Variants in DHX58 observed in about 807,000 individuals in gnomAD.
DHX58 encodes the protein DExH-box helicase 58, also known as ATP-dependent RNA helicase DHX58.
In DHX58, 51 loss-of-function variants were observed where a neutral mutation model predicts 65.0. That is an observed-to-expected ratio of 0.78 (90% CI 0.63 to 0.99). The LOEUF is 0.99. Ranked by LOEUF, DHX58 falls within the 50% of genes least tolerant of loss-of-function variation. DHX58 has a pLI of 0.00. For synonymous variants in DHX58, 350 were observed against 365.0 expected, an observed-to-expected ratio of 0.96 and a Z score of 0.47; for missense variants, 773 against 891.8, an observed-to-expected ratio of 0.87 and a Z score of 1.70.
At chr17:42,104,741 C>T (rs781789517) in intron 11 of DHX58, 25 bp downstream of exon 11, 3 of 1,611,674 alleles carry the variant, frequency 1.9e-6, no homozygotes, top group Non-Finnish European at 2.5e-6. Context: ...ATCCCTCCCA[C>T]AGGGCATGCA....
rs1555663537 is a variant in DHX58, at chr17:42,109,271, T to G, written c.677A>C (p.Gln226Pro). 1.2e-6 allele frequency: 2 copies of G among 1,609,544 alleles called. No individual in the cohort carries two copies. The highest frequency in any genetic ancestry group is 1.7e-5 in the Admixed American group (1 of 59,544). ...CGCCGTGTCCCTGCCCCCGCGTACC[T>G]GGCTGCGCCTGTGGCAGAGGTTGTA... The part of the protein sequence containing the change: ...KQYNLCHRRS[Q>P]DPFGDLLKKL... The change falls in exon 6 of 14, where the codon CAG (glutamine) becomes CCG (proline). Residue 226 changes from glutamine (Q) to proline (P), a missense_variant and splice_region_variant. Gln to Pro is a moderately conservative substitution (Grantham distance 76). Transcript: ENST00000251642.
chr17:42,104,748 T>C lies in DHX58; in HGVS notation c.1563+18A>G, dbSNP rs1406181742. On this transcript the variant is annotated intron_variant, in intron 11 of 13. Transcript: ENST00000251642. Reference sequence around the variant, plus strand: ...TCCTCCCCATCCCTCCCACAGGGCATGCAGGCTGCCTGCAGACCTTGGCCT... The same window carrying C: ...TCCTCCCCATCCCTCCCACAGGGCACGCAGGCTGCCTGCAGACCTTGGCCT... 1.2e-6 allele frequency: 2 copies of C among 1,612,950 alleles called. No individual in the cohort carries two copies. The highest frequency in any genetic ancestry group is 1.7e-6 in the Non-Finnish European group (2 of 1,179,654).
At chr17:42,102,034 C>A in intron 13 of DHX58, 88 bp from the exon 14 acceptor site, 1 of 1,472,430 alleles carries the variant, frequency 6.8e-7, no homozygotes, top group Non-Finnish European at 9.2e-7. Context: ...GAATACAGGG[C>A]CTTTTCCTCC....
chr17:42,106,867 C>G (rs139857223), intron 8 of DHX58, among the ~76,000 whole-genome samples: 108 of 152,168 alleles, frequency 7.1e-4, no homozygotes, highest in Admixed American at 5.7e-3. Flanking sequence ...CAGCCTCACA[C>G]CGGGGTCATA....
rs145704653 is a variant in DHX58 at position 42,102,578 on chromosome 17, C to T, written c.1755-266G>A. ...ATGGGTCTCTCTGCCTCCATTTTTA[C>T]TCCCAATCCCAAGCCATCCTTCCAC... On this transcript the variant is annotated intron_variant, in intron 12 of 13. Coordinates refer to ENST00000251642, the MANE Select transcript of DHX58 (RefSeq NM_024119.3). The T allele has an allele frequency of 9.1e-4, 340 of 375,064 alleles. 5 individuals carry two copies. In the East Asian group the frequency reaches 0.014, roughly 16 times the overall value. The allele number at this position is 375,064 out of a possible 1,614,324, so 23.2% of individuals were successfully genotyped here.
chr17:42,110,186 CAAAAAA>C (rs11318535), intron 5 of DHX58, among the ~76,000 whole-genome samples: 1 of 110,366 alleles, frequency 9.1e-6, no homozygotes, highest in Non-Finnish European at 1.9e-5. Context: ...GACTCCATCT[CAAAAAA>C]AAAAAAAAAA....
At position 42,104,772 on chromosome 17, in the gene DHX58, C is replaced by G. The variant is rs1248821906; in HGVS notation, c.1557G>C (p.Gln519His). ...AVQKMDQAEYQAKIRDLQQAA... is the reference protein window; with the variant it reads ...AVQKMDQAEYHAKIRDLQQAA... Reference sequence around the variant, plus strand: ...ATGCAGGCTGCCTGCAGACCTTGGCCTGGTACTCGGCCTGGTCCATTTTCT... The same window carrying G: ...ATGCAGGCTGCCTGCAGACCTTGGCGTGGTACTCGGCCTGGTCCATTTTCT... The change falls in exon 11 of 14, where the codon CAG (glutamine) becomes CAC (histidine). Residue 519 changes from glutamine (Q) to histidine (H), a missense_variant. By Grantham distance (24) the Gln-to-His change is conservative. Transcript: ENST00000251642. 17 of 1,613,774 alleles carry G rather than the reference C, an allele frequency of 1.1e-5. No individual in the cohort carries two copies. Among genetic ancestry groups the G allele is most frequent in the Admixed American group, 1.7e-5 (1 of 59,996 alleles).
chr17:42,107,662 C>A lies in DHX58; in HGVS notation c.939G>T (p.Glu313Asp), dbSNP rs372603388. The change falls in exon 8 of 14, where the codon GAG becomes GAT. Residue 313 changes from glutamate (E) to aspartate (D), a missense_variant. Coordinates refer to ENST00000251642, the MANE Select transcript of DHX58 (RefSeq NM_024119.3). ...LAALQDFYHR[E>D]HVTKTQILCA... ...ACAGGATCTGGGTTTTAGTGACGTG[C>A]TCCCTGTGATAGAAATCCTGCAGCG... 8.1e-6 allele frequency: 13 copies of A among 1,609,878 alleles called. No homozygotes were observed. The highest frequency in any genetic ancestry group is 1.0e-5 in the Non-Finnish European group (12 of 1,178,054).
At chr17:42,105,679 G>T (rs576153310) in intron 9 of DHX58, 57 bp downstream of exon 9, 30 of 1,507,772 alleles carry the variant, frequency 2.0e-5, no homozygotes, top group Middle Eastern at 2.5e-4. Flanking sequence ...CCTGTTCCCC[G>T]CACTTCTCTC....
At position 42,103,772 on chromosome 17, in the gene DHX58, C is replaced by A. The variant is rs1555662020; in HGVS notation, c.1590G>T (p.Leu530Phe). The A allele has an allele frequency of 6.2e-7, 1 of 1,609,794 alleles. No homozygotes were observed. Among genetic ancestry groups the A allele is most frequent in the South Asian group, 1.1e-5 (1 of 91,000 alleles). Residue 530 changes from leucine (L) to phenylalanine (F), a missense_variant, in exon 12 of 14, where the codon TTG becomes TTT. By Grantham distance (22) the Leu-to-Phe change is conservative (BLOSUM62 0). Transcript: ENST00000251642. ...GGGCTGCCTGGGCCGCCCGCTTGGT[C>A]AAGGCTGCCTGCTGCAGATCCCGGA... ...AKIRDLQQAA[L>F]TKRAAQAAQR... is the part of the protein sequence containing the mutation.
intron 11 of DHX58, among the ~76,000 whole-genome samples, chr17:42,104,142 G>A (rs1598214031): frequency 1.3e-5 from 2 of 151,912 alleles, no homozygotes; most frequent in African/African-American, 4.8e-5. Flanking sequence ...AGAATTGCTT[G>A]AGCCCAGGAG....
intron 4 of DHX58, 142 bp downstream of exon 4, chr17:42,111,154 G>C: frequency 6.4e-6 from 7 of 1,088,710 alleles, no homozygotes; most frequent in Non-Finnish European, 9.1e-6. Context: ...GTTTCTACTA[G>C]AGTGCCTGCA....
At position 42,103,664 on chromosome 17, in the gene DHX58, G is replaced by C. The variant is rs782049749; in HGVS notation, c.1698C>G (p.Gly566=). 2 of 1,614,012 alleles carry C rather than the reference G, an allele frequency of 1.2e-6. No individual in the cohort carries two copies. Among genetic ancestry groups the C allele is most frequent in the African/African-American group, 2.7e-5 (2 of 75,042 alleles). The change falls in exon 12 of 14, where the codon GGC becomes GGG. Residue 566 remains glycine, a synonymous_variant. Coordinates refer to ENST00000251642, the MANE Select transcript of DHX58 (RefSeq NM_024119.3). The part of the protein sequence containing the change: ...CINCMVAVGH[G]SDLRKVEGTH... ...TGCCCTCCACCTTCCGCAGGTCGCT[G>C]CCATGGCCCACAGCCACCATGCAGT...
At position 42,111,798 on chromosome 17, in the gene DHX58, CG is replaced by C; in HGVS notation, c.94del (p.Arg32GlyfsTer11). ...CCGCTTGGCCACATAAGCAGCCGCC[CG>C]GGTCTTCCCGGCACCCGTGGGCAGC... ...IWLPTGAGKT[R>X]AAAYVAKRHL... On this transcript the variant is annotated frameshift_variant, in exon 3 of 14. Transcript: ENST00000251642. LOFTEE classifies it high-confidence loss of function. 1 of 1,614,068 alleles carries C rather than the reference CG, an allele frequency of 6.2e-7. No individual in the cohort carries two copies. The highest frequency in any genetic ancestry group is 8.5e-7 in the Non-Finnish European group (1 of 1,179,968).
rs782702878 is a variant in DHX58, at chr17:42,102,260, C to T, written c.1807G>A (p.Asp603Asn). The T allele has an allele frequency of 6.2e-7, 1 of 1,614,162 alleles. No homozygotes were observed. The highest frequency in any genetic ancestry group is 1.1e-5 in the South Asian group (1 of 91,076). The change falls in exon 13 of 14, where the codon GAC becomes AAC. Residue 603 changes from aspartate to asparagine, a missense_variant. Asp to Asn is a conservative substitution (Grantham distance 23, BLOSUM62 1). Transcript: ENST00000251642. ...CTGATGACACCCCCAGGCTTCCAGT[C>T]CTTGAAGACTTTGTTGATGACCACA... is the stretch of plus-strand genomic sequence containing the variant. Reference protein sequence around the residue: ...DPVVINKVFKDWKPGGVISCR... With the variant: ...DPVVINKVFKNWKPGGVISCR...
intron 5 of DHX58, among the ~76,000 whole-genome samples, chr17:42,110,132 A>G (rs2054126206): frequency 6.7e-6 from 1 of 150,134 alleles, no homozygotes; most frequent in Non-Finnish European, 1.5e-5. Flanking sequence ...GGTTGCAGGG[A>G]GCCGAAATCA....
At chr17:42,109,546 G>A (rs1199380662) in intron 5 of DHX58, among the ~76,000 whole-genome samples, 160 bp from the exon 6 acceptor site, 1 of 152,180 alleles carries the variant, frequency 6.6e-6, no homozygotes, top group African/African-American at 2.4e-5. Flanking sequence ...CTAGGCACTG[G>A]GGATACAAAG....
In DHX58 at chr17:42,102,314, T is replaced by G. The variant is rs781851761; in HGVS notation, c.1755-2A>C. The G allele has an allele frequency of 6.2e-7, 1 of 1,613,854 alleles. No individual in the cohort carries two copies. The highest frequency in any genetic ancestry group is 8.5e-7 in the Non-Finnish European group (1 of 1,179,774). Reference sequence around the variant, plus strand: ...TCCCTGGAGACATTATAGTAGTTCCTGGAGAGGAAGGGGGGTGGCCACAGC... The same window carrying G: ...TCCCTGGAGACATTATAGTAGTTCCGGGAGAGGAAGGGGGGTGGCCACAGC... On this transcript the variant is annotated splice_acceptor_variant, in intron 12 of 13. Transcript: ENST00000251642. LOFTEE classifies it high-confidence loss of function.
intron 12 of DHX58, chr17:42,103,262 A>G (rs1555661866): frequency 1.3e-5 from 4 of 314,164 alleles, no homozygotes; most frequent in Middle Eastern, 9.8e-4. Flanking sequence ...TCTCTAGGAG[A>G]TAGTGGATGG....
Sources: gnomAD v4.1 joint callset for allele counts (sites outside exome capture counted in the v4.1 genomes callset) on GRCh38, gnomAD v4.1.1 for gene constraint, MANE v1.5 for transcripts, NCBI Gene and HGNC (gene_info 2026-07-23, HGNC 2026-07-21) for gene names.